Variants in PRKN observed in about 807,000 individuals in gnomAD.
PRKN encodes E3 ubiquitin-protein ligase parkin.
In PRKN, 56 loss-of-function variants were observed where a neutral mutation model predicts 59.5. The observed-to-expected ratio is 0.94, with a 90% CI of 0.76 to 1.18. The LOEUF (loss-of-function observed/expected upper bound fraction) is 1.18. Among genes scored for constraint, PRKN ranks in the 50% most tolerant of loss-of-function variants. The probability of loss-of-function intolerance (pLI) is 0.00; values close to 1 mark genes in which losing one functional copy is unlikely to be tolerated. For missense variants in PRKN, 657 were observed against 596.4 expected, an observed-to-expected ratio of 1.10 and a Z score of -1.06; for synonymous variants, 250 against 222.1, an observed-to-expected ratio of 1.13 and a Z score of -1.12.
chr6:162,375,348 C>T (rs931315961), intron 2 of PRKN, among the ~76,000 whole-genome samples: 1 of 151,464 alleles, frequency 6.6e-6, no homozygotes, highest in African/African-American at 2.4e-5. Context: ...TTCAAAAAAG[C>T]CACTGGAGTA....
At chr6:161,493,377 G>T (rs921612058) in intron 9 of PRKN, among the ~76,000 whole-genome samples, 1 of 152,184 alleles carries the variant, frequency 6.6e-6, no homozygotes, top group African/African-American at 2.4e-5. Context: ...ACTCACTGGG[G>T]TTTAAATGAC....
intron 7 of PRKN, among the ~76,000 whole-genome samples, chr6:161,650,863 T>C (rs756196712): frequency 6.6e-6 from 1 of 152,170 alleles, no homozygotes; most frequent in African/African-American, 2.4e-5. Flanking sequence ...GCTACCTTAG[T>C]TCTCATGATA....
chr6:162,639,297 A>G (rs1273169643), intron 1 of PRKN, among the ~76,000 whole-genome samples: 2 of 152,098 alleles, frequency 1.3e-5, no homozygotes, highest in Non-Finnish European at 2.9e-5. Context: ...CATGATTCCT[A>G]TGTAATAAAA....
intron 4 of PRKN, among the ~76,000 whole-genome samples, chr6:162,079,458 C>T (rs936533434): frequency 6.6e-6 from 1 of 152,154 alleles, no homozygotes; most frequent in African/African-American, 2.4e-5. Flanking sequence ...TTTTGGATGA[C>T]TGCAGTAACT....
chr6:162,029,166 T>C (rs529112782), intron 5 of PRKN, among the ~76,000 whole-genome samples: 1 of 152,242 alleles, frequency 6.6e-6, no homozygotes, highest in South Asian at 2.1e-4. Context: ...CAAGGAGCTC[T>C]GCAGAAACAA....
At chr6:161,511,060 T>C (rs985622357) in intron 9 of PRKN, among the ~76,000 whole-genome samples, 3 of 152,210 alleles carry the variant, frequency 2.0e-5, no homozygotes, top group African/African-American at 7.2e-5. Context: ...GGTAATGGAC[T>C]CAAACTATAA....
chr6:162,528,232 G>C (rs904099179), intron 1 of PRKN, among the ~76,000 whole-genome samples: 2 of 151,756 alleles, frequency 1.3e-5, no homozygotes, highest in South Asian at 4.2e-4. Context: ...TGAGGCAGGA[G>C]AATCGCTTGA....
intron 7 of PRKN, among the ~76,000 whole-genome samples, chr6:161,727,415 A>T (rs1226774015): frequency 6.6e-6 from 1 of 152,168 alleles, no homozygotes; most frequent in Non-Finnish European, 1.5e-5. Flanking sequence ...CCCATAAATA[A>T]CAGGGCCTAA....
chr6:161,367,463 GTCTTT>G (rs1349109458), intron 10 of PRKN, among the ~76,000 whole-genome samples: 1 of 148,036 alleles, frequency 6.8e-6, no homozygotes, highest in Admixed American at 6.7e-5. Context: ...AATAAGATGT[GTCTTT>G]TCTTTTTTTT....
rs562339899 is a variant in PRKN at position 161,934,746 on chromosome 6, T to C, written c.734+38556A>G. 5.3e-5 allele frequency among the ~76,000 whole-genome samples: 8 copies of C among 152,276 alleles called. No homozygotes were observed. The South Asian group carries it at 1.5e-3, about 28-fold the overall frequency. On this transcript the variant is annotated intron_variant, in intron 6 of 11. Coordinates refer to ENST00000366898, the MANE Select transcript of PRKN (RefSeq NM_004562.3). ...ACTTTGAGAGACAGGTTTTTTCCCCTCACTTATTCACGATCCTGTATTAAT... is the reference window on the plus strand; with the variant it reads ...ACTTTGAGAGACAGGTTTTTTCCCCCCACTTATTCACGATCCTGTATTAAT...
At chr6:161,600,653 T>C (rs987378113) in intron 7 of PRKN, among the ~76,000 whole-genome samples, 1 of 152,212 alleles carries the variant, frequency 6.6e-6, no homozygotes, top group Non-Finnish European at 1.5e-5. Context: ...TCTCCAACAC[T>C]AACCTCAGTT....
chr6:162,352,158 C>T (rs761382624), intron 2 of PRKN, among the ~76,000 whole-genome samples: 87 of 152,274 alleles, frequency 5.7e-4, no homozygotes, highest in Non-Finnish European at 9.0e-4. Context: ...CACCGTAGGT[C>T]TCCCTGAAGC....
chr6:162,338,540 T>A (rs1783961874), intron 2 of PRKN, among the ~76,000 whole-genome samples: 1 of 152,160 alleles, frequency 6.6e-6, no homozygotes, highest in Non-Finnish European at 1.5e-5. Context: ...AGACGGAGTC[T>A]CCTTCACTCA....
chr6:161,537,641 C>A (rs7745470), intron 9 of PRKN, among the ~76,000 whole-genome samples: 2 of 151,970 alleles, frequency 1.3e-5, no homozygotes, highest in African/African-American at 4.8e-5. Context: ...TTAGTAGAGA[C>A]GGGGTTTCAC....
At position 161,388,040 on chromosome 6, in the gene PRKN, T is replaced by C. The variant is rs77772165; in HGVS notation, c.1084-1163A>G. On this transcript the variant is annotated intron_variant, in intron 9 of 11. Coordinates refer to ENST00000366898, the MANE Select transcript of PRKN (RefSeq NM_004562.3). This position sits in a 1 kb window ranked among gnomAD's most constrained non-coding sequence, Gnocchi z 4.3. ...TTTAGGGCTGTCTGTCTGGGATCCA[T>C]GGACCTCTCCTGAAAGCACGTCCCA... Among the ~76,000 whole-genome samples the C allele has an allele frequency of 5.4e-3, 819 of 152,348 alleles. 5 individuals are homozygous for C. Among genetic ancestry groups the C allele is most frequent in the Non-Finnish European group, 9.1e-3 (619 of 68,034 alleles).
At chr6:162,284,492 G>C (rs948864833) in intron 2 of PRKN, among the ~76,000 whole-genome samples, 2 of 151,924 alleles carry the variant, frequency 1.3e-5, no homozygotes, top group African/African-American at 4.8e-5. Flanking sequence ...CCAAAGTGCT[G>C]GGATTACAGG....
In PRKN at chr6:162,146,429, A is replaced by AAT. The variant is rs1289134699; in HGVS notation, c.534+54700_534+54701dup. On this transcript the variant is annotated intron_variant, in intron 4 of 11. Coordinates refer to ENST00000366898, the MANE Select transcript of PRKN (RefSeq NM_004562.3). ...GAAAACTAAAAATAAATGTTTAGTA[A>AAT]ATATATATATATATCGATAGATAGA... 8.1e-4 allele frequency among the ~76,000 whole-genome samples: 121 copies of AAT among 150,212 alleles called. 1 individual carries two copies. The highest frequency in any genetic ancestry group is 6.8e-3 in the East Asian group (35 of 5,136).
intron 5 of PRKN, among the ~76,000 whole-genome samples, chr6:161,979,543 G>C (rs1451648644): frequency 6.6e-6 from 1 of 152,118 alleles, no homozygotes. Flanking sequence ...CAAAGTGCTG[G>C]GAAAACAGGC....
At chr6:162,493,906 C>G (rs9346916) in intron 1 of PRKN, among the ~76,000 whole-genome samples, 1 of 151,966 alleles carries the variant, frequency 6.6e-6, no homozygotes, top group African/African-American at 2.4e-5. Context: ...ACTGGACTTC[C>G]CCATTTGTGA....
Sources: allele counts gnomAD v4.1 joint callset (sites outside exome capture counted in the v4.1 genomes callset), GRCh38; gene constraint gnomAD v4.1.1; non-coding constraint Gnocchi (gnomAD v3.1); transcripts MANE v1.5; gene names NCBI Gene and HGNC (gene_info 2026-07-23, HGNC 2026-07-21).